The following SRGAP2 variants were observed in gnomAD, a reference collection of about 807,000 sequenced individuals.
SRGAP2 encodes the protein SLIT-ROBO Rho GTPase activating protein 2.
A neutral mutation model predicts 57.2 loss-of-function variants in SRGAP2; 15 were observed. The ratio of observed to expected loss-of-function variants is 0.26; its 90% CI spans 0.18 to 0.40. The LOEUF is 0.40. SRGAP2 is among the 10% of genes least tolerant of loss of function. The pLI, the probability that SRGAP2 is intolerant of heterozygous loss-of-function variation, is 1.00. For synonymous variants in SRGAP2, 249 were observed against 248.0 expected (o/e 1.00, Z -0.04); for missense variants, 520 against 669.6 (o/e 0.78, Z 2.47).
At chr1:206,433,843 C>G (rs1661487479) in intron 14 of SRGAP2, among the ~76,000 whole-genome samples, 1 of 152,054 alleles carries the variant, frequency 6.6e-6, no homozygotes, top group African/African-American at 2.4e-5. Context: ...AAATATTTTA[C>G]AGTAATTAGT....
At chr1:206,319,139 C>T (rs1413392705) in intron 3 of SRGAP2, among the ~76,000 whole-genome samples, 3 of 151,364 alleles carry the variant, frequency 2.0e-5, no homozygotes, top group Non-Finnish European at 4.4e-5. Flanking sequence ...GTGCCGGGTG[C>T]GGTGGCTCAC....
chr1:206,213,211 G>A (rs1209574052), intron 2 of SRGAP2: 5 of 152,348 alleles, frequency 3.3e-5, no homozygotes, highest in African/African-American at 2.4e-5. Flanking sequence ...TTATCTGGGT[G>A]TGATGGCACA....
chr1:206,277,976 CAAA>C, intron 2 of SRGAP2, among the ~76,000 whole-genome samples: 1 of 124,214 alleles, frequency 8.1e-6, no homozygotes, highest in Admixed American at 8.3e-5. Flanking sequence ...GAGACTGTCT[CAAA>C]AAAAAAAAAA....
At position 206,450,412 on chromosome 1, in the gene SRGAP2, C is replaced by T. The variant is rs1189126103; in HGVS notation, c.2126C>T (p.Ser709Leu). 6.4e-6 allele frequency: 5 copies of T among 780,724 alleles called. No individual in the cohort carries two copies. Among genetic ancestry groups the T allele is most frequent in the African/African-American group, 3.4e-5 (2 of 59,130 alleles). 48.4% of individuals were successfully genotyped at this position (780,724 alleles called of 1,614,324 possible). The change falls in exon 19 of 23, where the codon TCG becomes TTG. Residue 709 changes from serine to leucine, a missense_variant. Transcript: ENST00000573034. The part of the protein sequence containing the change: ...YCDSPHGETT[S>L]VEDSTQDVTA... The stretch of plus-strand genomic sequence containing the variant: ...GATAGCCCTCATGGAGAGACTACCT[C>T]GGTTGAAGACTCAACCCAGGATGTG...
chr1:206,454,755 G>A lies in SRGAP2; in HGVS notation c.2361-123G>A, dbSNP rs1452773059. The A allele has an allele frequency of 4.1e-5, 25 of 609,408 alleles. No individual in the cohort carries two copies. The highest frequency in any genetic ancestry group is 6.5e-5 in the Non-Finnish European group (22 of 340,944). 37.8% of individuals were successfully genotyped at this position (609,408 alleles called of 1,614,324 possible). On this transcript the variant is annotated intron_variant, in intron 20 of 22. Coordinates refer to ENST00000573034, the MANE Select transcript of SRGAP2 (RefSeq NM_015326.5). The surrounding 1 kb of genome is among the most constrained non-coding windows in gnomAD (Gnocchi z 4.3). ...CACAGAACTAGTCCAGCCAGGTGTC[G>A]CTGCTGCCTCAGAGCTGTGTGGGGT...
intron 2 of SRGAP2, among the ~76,000 whole-genome samples, chr1:206,269,198 G>A (rs1174045568): frequency 6.8e-6 from 1 of 146,356 alleles, no homozygotes; most frequent in Non-Finnish European, 1.5e-5. Context: ...ATAGTAAGGA[G>A]TGAAAGAGGC....
At chr1:206,411,195 G>A (rs1659190912) in intron 10 of SRGAP2, among the ~76,000 whole-genome samples, 2 of 152,174 alleles carry the variant, frequency 1.3e-5, no homozygotes, top group Non-Finnish European at 2.9e-5. Flanking sequence ...GGAGAATTAG[G>A]TTCTTTTATG....
chr1:206,391,703 A>G (rs1656989922), intron 5 of SRGAP2, among the ~76,000 whole-genome samples: 1 of 150,494 alleles, frequency 6.6e-6, no homozygotes, highest in Non-Finnish European at 1.5e-5. Context: ...TTATGGCATC[A>G]CACTTTCAGC....
intron 15 of SRGAP2, 104 bp from the exon 16 acceptor site, chr1:206,437,860 G>A (rs1430510331): frequency 6.9e-6 from 5 of 726,764 alleles, no homozygotes; most frequent in Non-Finnish European, 1.3e-5. Context: ...AAAGCTGATG[G>A]ATTGGGACCA....
intron 14 of SRGAP2, among the ~76,000 whole-genome samples, chr1:206,435,363 T>C (rs755031027): frequency 6.6e-6 from 1 of 152,200 alleles, no homozygotes; most frequent in African/African-American, 2.4e-5. Context: ...ATGTCAAGGT[T>C]TTTGAAGGAT....
At chr1:206,314,116 T>G (rs79774629) in intron 3 of SRGAP2, among the ~76,000 whole-genome samples, 11,184 of 149,134 alleles carry the variant, frequency 0.075, 811 homozygotes, top group African/African-American at 0.18. Context: ...TTTTTTTTTT[T>G]TTGTTGTTGT....
intron 8 of SRGAP2, among the ~76,000 whole-genome samples, chr1:206,404,398 C>T (rs1293596075): frequency 2.6e-5 from 4 of 152,230 alleles, no homozygotes; most frequent in African/African-American, 9.6e-5. Flanking sequence ...ATCCAGATGT[C>T]TCTCTGCAGA....
chr1:206,394,577 C>T (rs1657385093), intron 7 of SRGAP2, among the ~76,000 whole-genome samples: 1 of 152,164 alleles, frequency 6.6e-6, no homozygotes, highest in Non-Finnish European at 1.5e-5. Flanking sequence ...ACTCACTTGT[C>T]CAAGGTTATG....
chr1:206,425,257 AT>A (rs1313085140), intron 13 of SRGAP2, among the ~76,000 whole-genome samples: 3 of 152,338 alleles, frequency 2.0e-5, no homozygotes, highest in African/African-American at 7.2e-5. Context: ...TTAATACACA[AT>A]AATTGTACAC....
At chr1:206,428,249 T>A (rs1660977063) in intron 13 of SRGAP2, among the ~76,000 whole-genome samples, 2 of 151,736 alleles carry the variant, frequency 1.3e-5, no homozygotes, top group African/African-American at 4.8e-5. Flanking sequence ...ACCCTGTCTC[T>A]ACTAAAAATA....
At chr1:206,353,798 A>ATTTT (rs566625693) in intron 4 of SRGAP2, among the ~76,000 whole-genome samples, 4 of 127,330 alleles carry the variant, frequency 3.1e-5, no homozygotes, top group African/African-American at 1.2e-4. Context: ...TTTATTTCAG[A>ATTTT]TTTTTTTTTT....
At chr1:206,305,873 G>T (rs1672163044) in intron 3 of SRGAP2, among the ~76,000 whole-genome samples, 1 of 151,916 alleles carries the variant, frequency 6.6e-6, no homozygotes, top group Admixed American at 6.6e-5. Context: ...TCCTCCAGAG[G>T]TTTTTTTCCT....
chr1:206,458,691 G>T lies in SRGAP2; in HGVS notation c.2576G>T (p.Ser859Ile). 1 of 779,500 alleles carries T rather than the reference G, an allele frequency of 1.3e-6. No homozygotes were observed. The highest frequency in any genetic ancestry group is 2.4e-6 in the Non-Finnish European group (1 of 417,386). The allele number at this position is 779,500 out of a possible 1,614,324, so 48.3% of individuals were successfully genotyped here. ...TFRSDSHGLSSSLTDSSSPGV... is the reference protein window; with the variant it reads ...TFRSDSHGLSISLTDSSSPGV... ...CGGAGTGACAGCCATGGGCTGAGCAGTTCCCTGACTGACTCCTCCTCCCCA... is the reference window on the plus strand; with the variant it reads ...CGGAGTGACAGCCATGGGCTGAGCATTTCCCTGACTGACTCCTCCTCCCCA... Residue 859 changes from serine to isoleucine, a missense_variant, in exon 22 of 23, where the codon AGT (serine) becomes ATT (isoleucine). Around this residue, in one of 5 missense-constraint regions of SRGAP2, gnomAD observed 478 missense variants for 373.6 expected, o/e 1.28. Transcript: ENST00000573034.
intron 18 of SRGAP2, among the ~76,000 whole-genome samples, chr1:206,446,767 T>C (rs1312841177): frequency 6.6e-6 from 1 of 152,190 alleles, no homozygotes; most frequent in Admixed American, 6.5e-5. Flanking sequence ...CACTTCAGAA[T>C]GATTTTAGAA....
Sources: allele counts gnomAD v4.1 joint callset (sites outside exome capture counted in the v4.1 genomes callset), GRCh38; gene constraint gnomAD v4.1.1; regional missense constraint gnomAD v4.1.1; non-coding constraint Gnocchi (gnomAD v3.1); transcripts MANE v1.5; gene names NCBI Gene and HGNC (gene_info 2026-07-23, HGNC 2026-07-21).